The following LRRTM3 variants were observed in gnomAD, a reference collection of about 807,000 sequenced individuals.
LRRTM3 encodes the protein leucine-rich repeat transmembrane neuronal protein 3.
In LRRTM3, 24 loss-of-function variants were observed where a neutral mutation model predicts 44.7. The ratio of observed to expected loss-of-function variants is 0.54; its 90% CI spans 0.39 to 0.76. The LOEUF (loss-of-function observed/expected upper bound fraction) is 0.76. Among genes scored for constraint, LRRTM3 ranks in the 30% least tolerant of loss-of-function variants. The probability of loss-of-function intolerance (pLI) is 0.00; values close to 1 mark genes in which losing one functional copy is unlikely to be tolerated. For synonymous variants in LRRTM3, 277 were observed against 278.7 expected, an observed-to-expected ratio of 0.99 and a Z score of 0.06; for missense variants, 587 against 702.2, an observed-to-expected ratio of 0.84 and a Z score of 1.85.
At chr10:67,065,726 A>G (rs1856033622) in intron 2 of LRRTM3, among the ~76,000 whole-genome samples, 1 of 152,264 alleles carries the variant, frequency 6.6e-6, no homozygotes, top group African/African-American at 2.4e-5. Context: ...AAACTAAGCC[A>G]CACGATAAAG....
At chr10:66,976,986 G>A (rs1269647767) in intron 2 of LRRTM3, among the ~76,000 whole-genome samples, 1 of 152,128 alleles carries the variant, frequency 6.6e-6, no homozygotes, top group Non-Finnish European at 1.5e-5. Context: ...CCTTTCAGGT[G>A]AAAATCAATG....
At chr10:67,087,534 G>A (rs1472214716) in intron 2 of LRRTM3, among the ~76,000 whole-genome samples, 1 of 151,504 alleles carries the variant, frequency 6.6e-6, no homozygotes, top group East Asian at 1.9e-4. Flanking sequence ...ATTAAAATAA[G>A]TTTAAAATAA....
chr10:66,996,687 T>A (rs1241123105), intron 2 of LRRTM3, among the ~76,000 whole-genome samples: 10 of 136,484 alleles, frequency 7.3e-5, no homozygotes, highest in South Asian at 2.4e-4. Context: ...TTTGTGTCAA[T>A]CACTTATGTG....
chr10:67,073,368 C>CT (rs1856569108), intron 2 of LRRTM3, among the ~76,000 whole-genome samples: 1 of 152,040 alleles, frequency 6.6e-6, no homozygotes, highest in African/African-American at 2.4e-5. Context: ...AACCATATTG[C>CT]TTTTTTTCAT....
intron 2 of LRRTM3, among the ~76,000 whole-genome samples, chr10:66,967,309 G>C (rs1383465988): frequency 6.6e-6 from 1 of 150,698 alleles, no homozygotes; most frequent in East Asian, 1.9e-4. Context: ...TATAGGTATA[G>C]ATAGATATAG....
In LRRTM3 at chr10:66,926,292, C is replaced by CA. The variant is rs1847069540; in HGVS notation, c.-292_-291insA. ...TTTTTAACCGCCCCCTCCCCACCCC[C>CA]CAAAAAACTGTAAAGATGCAAAAAC... On this transcript the variant is annotated 5_prime_UTR_variant, in exon 1 of 3. Coordinates refer to ENST00000361320, the MANE Select transcript of LRRTM3 (RefSeq NM_178011.5). 1 of 524,810 alleles carries CA rather than the reference C, an allele frequency of 1.9e-6. No homozygotes were observed. The highest frequency in any genetic ancestry group is 3.5e-6 in the Non-Finnish European group (1 of 289,628). The allele number at this position is 524,810 out of a possible 1,614,324, so 32.5% of individuals were successfully genotyped here.
chr10:67,027,240 G>A (rs1410673338), intron 2 of LRRTM3, among the ~76,000 whole-genome samples: 1 of 152,046 alleles, frequency 6.6e-6, no homozygotes, highest in East Asian at 1.9e-4. Flanking sequence ...ATGAGAGGAG[G>A]AAAAGGAAGA....
At chr10:67,040,272 T>C (rs574533534) in intron 2 of LRRTM3, among the ~76,000 whole-genome samples, 1 of 152,240 alleles carries the variant, frequency 6.6e-6, no homozygotes, top group South Asian at 2.1e-4. Flanking sequence ...CCAGATAAGA[T>C]GAATTACTGT....
intron 2 of LRRTM3, among the ~76,000 whole-genome samples, chr10:66,929,157 C>T (rs1189556878): frequency 6.6e-6 from 1 of 152,192 alleles, no homozygotes; most frequent in Non-Finnish European, 1.5e-5. Context: ...TCGACTCAGC[C>T]TTGTCTCTGA....
rs932852419 is a variant in LRRTM3, at chr10:67,066,082, T to A, written c.1537-31505T>A. Among the ~76,000 whole-genome samples, 4 of 152,124 alleles carry A rather than the reference T, an allele frequency of 2.6e-5. No individual in the cohort carries two copies. The East Asian group carries it at 7.7e-4, about 29-fold the overall frequency. On this transcript the variant is annotated intron_variant, in intron 2 of 2. Transcript: ENST00000361320. The stretch of plus-strand genomic sequence containing the variant: ...TTAGGGTCTGTGTGAAACTTTTAGT[T>A]CTCTCAATCATCTGGGGATCATGAG...
intron 2 of LRRTM3, among the ~76,000 whole-genome samples, chr10:67,052,438 G>A (rs1479021088): frequency 2.0e-5 from 3 of 151,872 alleles, no homozygotes; most frequent in African/African-American, 4.8e-5. Flanking sequence ...AGAACGAAAT[G>A]GGCTTCACAA....
chr10:67,070,563 A>G (rs1348488384), intron 2 of LRRTM3, among the ~76,000 whole-genome samples: 1 of 152,098 alleles, frequency 6.6e-6, no homozygotes, highest in Non-Finnish European at 1.5e-5. Context: ...CTTGGCCAAC[A>G]TGGTGAAACC....
intron 2 of LRRTM3, among the ~76,000 whole-genome samples, chr10:67,074,511 C>G (rs7902260): frequency 0.065 from 9,915 of 151,542 alleles, 364 homozygotes; most frequent in South Asian, 0.19. Flanking sequence ...CCACCACGCC[C>G]GGCTAATTTT....
intron 2 of LRRTM3, among the ~76,000 whole-genome samples, chr10:66,958,295 A>G (rs1028130989): frequency 9.4e-6 from 1 of 106,144 alleles, no homozygotes. Flanking sequence ...TTTTTCCTCC[A>G]CCTGCTTTCT....
intron 2 of LRRTM3, among the ~76,000 whole-genome samples, chr10:67,001,321 AAG>A (rs1414143699): frequency 5.3e-5 from 8 of 151,178 alleles, no homozygotes; most frequent in East Asian, 3.9e-4. Context: ...AAGAAAAAAA[AAG>A]AGAAAAAAAT....
chr10:67,002,571 T>C (rs1351573087), intron 2 of LRRTM3, among the ~76,000 whole-genome samples: 1 of 152,144 alleles, frequency 6.6e-6, no homozygotes. Context: ...CAGTCTAAAT[T>C]ACTCCTTTGA....
At chr10:66,957,401 T>TATATATATATGC (rs1848857671) in intron 2 of LRRTM3, among the ~76,000 whole-genome samples, 1 of 30,612 alleles carries the variant, frequency 3.3e-5, no homozygotes, top group Non-Finnish European at 6.0e-5. Context: ...TACATATATA[T>TATATATATATGC]ATATATATAT....
chr10:66,971,630 G>A (rs547417699), intron 2 of LRRTM3, among the ~76,000 whole-genome samples: 2 of 152,178 alleles, frequency 1.3e-5, no homozygotes, highest in South Asian at 4.1e-4. Flanking sequence ...CCCACTTAGA[G>A]TAAACACTCA....
intron 2 of LRRTM3, among the ~76,000 whole-genome samples, chr10:67,086,171 T>C (rs1857298779): frequency 6.6e-6 from 1 of 152,040 alleles, no homozygotes; most frequent in Non-Finnish European, 1.5e-5. Flanking sequence ...TTTTTTTTCA[T>C]ACTTATGTGG....
Sources: allele counts gnomAD v4.1 joint callset (sites outside exome capture counted in the v4.1 genomes callset), GRCh38; gene constraint gnomAD v4.1.1; transcripts MANE v1.5; gene names NCBI Gene and HGNC (gene_info 2026-07-23, HGNC 2026-07-21).